Variants in NOTCH4 observed in about 807,000 individuals in gnomAD.
NOTCH4 encodes the protein notch receptor 4.
In NOTCH4, 138 loss-of-function variants were observed where a neutral mutation model predicts 189.0. The ratio of observed to expected loss-of-function variants is 0.73; its 90% CI spans 0.64 to 0.84. NOTCH4 has a LOEUF of 0.84. NOTCH4 is among the 40% of genes least tolerant of loss of function. The pLI is 0.00. For synonymous variants in NOTCH4, 942 were observed against 1,032.8 expected (o/e 0.91, Z 1.69); for missense variants, 2,286 against 2,605.4 (o/e 0.88, Z 2.67).
rs1789189119 is a variant in NOTCH4 at position 32,213,806 on chromosome 6, G to A, written c.2202C>T (p.His734=). 1.2e-6 allele frequency: 2 copies of A among 1,611,926 alleles called. No homozygotes were observed. Among genetic ancestry groups the A allele is most frequent in the African/African-American group, 2.7e-5 (2 of 74,854 alleles). The change falls in exon 14 of 30, where the codon CAC becomes CAT. Residue 734 remains histidine (H), a synonymous_variant. Transcript: ENST00000375023. ...PTCSEEMTAC[H]SGPCLNGGSC... Reference sequence around the variant, plus strand: ...AGCCGCCATTGAGACATGGCCCTGAGTGACAAGCTGTCATCTCCTCACTAC... The same window carrying A: ...AGCCGCCATTGAGACATGGCCCTGAATGACAAGCTGTCATCTCCTCACTAC...
rs752664803 is a variant in NOTCH4, at chr6:32,196,874, C to A, written c.5200+51G>T. The stretch of plus-strand genomic sequence containing the variant: ...CCTATATTTTGCACGCTATCTCCCA[C>A]CCCATCTGCTCAACTTCTCTATAGC... On this transcript the variant is annotated intron_variant, in intron 28 of 29. Coordinates refer to ENST00000375023, the MANE Select transcript of NOTCH4 (RefSeq NM_004557.4). The A allele has an allele frequency of 6.2e-6, 10 of 1,601,988 alleles. No individual in the cohort carries two copies. In the Admixed American group the frequency reaches 1.7e-4, roughly 27 times the overall value.
Position 32,197,493 on chromosome 6 carries a change from G to T in NOTCH4, c.4858C>A (p.Leu1620Met). The change falls in exon 27 of 30, where the codon CTG becomes ATG. Residue 1620 changes from leucine (L) to methionine (M), a missense_variant. Leu to Met is a conservative substitution (Grantham distance 15). Transcript: ENST00000375023. ...GCCTGGGGACAGGCCCCTCCATCCA[G>T]CAGAGGTTCCCAGGGCTCAGGACAT... ...LGCPEPWEPL[L>M]DGGACPQAHT... 1 of 1,605,184 alleles carries T rather than the reference G, an allele frequency of 6.2e-7. No homozygotes were observed. Among genetic ancestry groups the T allele is most frequent in the Middle Eastern group, 1.7e-4 (1 of 6,010 alleles).
Position 32,199,887 on chromosome 6 carries a change from AAC to A in NOTCH4, c.4316-744_4316-743del, listed in dbSNP as rs890247707. Among the ~76,000 whole-genome samples, 1 of 151,636 alleles carries A rather than the reference AAC, an allele frequency of 6.6e-6. No individual in the cohort carries two copies. The highest frequency in any genetic ancestry group is 1.5e-5 in the Non-Finnish European group (1 of 67,968). ...CAGAGTAAGACTGTCTCAGAAAACA[AAC>A]ACACAAAAAAAGGCTGAGTATCCAT... On this transcript the variant is annotated intron_variant, in intron 23 of 29. Transcript: ENST00000375023. The surrounding 1 kb of genome is among the most constrained non-coding windows in gnomAD (Gnocchi z 4.9).
In NOTCH4 at chr6:32,214,055, C is replaced by T. The variant is rs112525151; in HGVS notation, c.2167+55G>A. 23 of 1,568,920 alleles carry T rather than the reference C, an allele frequency of 1.5e-5. 1 individual carries two copies. The highest frequency in any genetic ancestry group is 9.0e-5 in the East Asian group (4 of 44,266). On this transcript the variant is annotated intron_variant, in intron 13 of 29. Coordinates refer to ENST00000375023, the MANE Select transcript of NOTCH4 (RefSeq NM_004557.4). ...CAGGGCCCGTGGTCGCCTGCCTTACCCTTGACATAGGGGGTGACCAGCACA... is the reference window on the plus strand; with the variant it reads ...CAGGGCCCGTGGTCGCCTGCCTTACTCTTGACATAGGGGGTGACCAGCACA...
At chr6:32,205,765 C>T (rs1206206509) in intron 18 of NOTCH4, among the ~76,000 whole-genome samples, 6 of 151,960 alleles carry the variant, frequency 3.9e-5, no homozygotes, top group African/African-American at 1.4e-4. Context: ...CGGTGGCTCA[C>T]GCCTGTAATC....
chr6:32,195,842 G>A lies in NOTCH4; in HGVS notation c.5607C>T (p.Gly1869=), dbSNP rs1368901531. 6.3e-7 allele frequency: 1 copy of A among 1,597,328 alleles called. No homozygotes were observed. The highest frequency in any genetic ancestry group is 1.3e-5 in the African/African-American group (1 of 74,978). The change falls in exon 30 of 30, where the codon GGC becomes GGT. Residue 1869 remains glycine, a synonymous_variant. Coordinates refer to ENST00000375023, the MANE Select transcript of NOTCH4 (RefSeq NM_004557.4). This position sits in a 1 kb window ranked among gnomAD's most constrained non-coding sequence, Gnocchi z 5.4. ...PRCRTLSAGA[G]PRGGGACLQA... Reference sequence around the variant, plus strand: ...GCAGACAAGCTCCGCCCCCACGAGGGCCTGCTCCGGCTGACAGCGTCCGGC... The same window carrying A: ...GCAGACAAGCTCCGCCCCCACGAGGACCTGCTCCGGCTGACAGCGTCCGGC...
In NOTCH4 at chr6:32,196,334, T is replaced by A; in HGVS notation, c.5288A>T (p.Gln1763Leu). 6.2e-7 allele frequency: 1 copy of A among 1,613,162 alleles called. No individual in the cohort carries two copies. The highest frequency in any genetic ancestry group is 8.5e-7 in the Non-Finnish European group (1 of 1,180,044). ...TCTGTCCCATCTAACCCTGTTGTCC[T>A]GGGCATCTTTATCGGCTCCGGCCTG... ...LLQAGADKDA[Q>L]DNREQTPLFL... Residue 1763 changes from glutamine (Q) to leucine (L), a missense_variant, in exon 29 of 30, where the codon CAG becomes CTG. Coordinates refer to ENST00000375023, the MANE Select transcript of NOTCH4 (RefSeq NM_004557.4).
At position 32,201,745 on chromosome 6, in the gene NOTCH4, A is replaced by G. The variant is rs1008906862; in HGVS notation, c.3756-245T>C. ...CCAAGCTCTCCTCTGTTTCTAAAGGAGAGTCCCAGGCCCTTTTCCCTCTGT... is the reference window on the plus strand; with the variant it reads ...CCAAGCTCTCCTCTGTTTCTAAAGGGGAGTCCCAGGCCCTTTTCCCTCTGT... On this transcript the variant is annotated intron_variant, in intron 21 of 29. Coordinates refer to ENST00000375023, the MANE Select transcript of NOTCH4 (RefSeq NM_004557.4). This position sits in a 1 kb window ranked among gnomAD's most constrained non-coding sequence, Gnocchi z 5.5. 2.4e-5 allele frequency: 10 copies of G among 417,572 alleles called. No homozygotes were observed. Among genetic ancestry groups the G allele is most frequent in the African/African-American group, 2.0e-4 (10 of 48,932 alleles). 25.9% of individuals were successfully genotyped at this position (417,572 alleles called of 1,614,324 possible). A position where few individuals can be genotyped will look rare whatever the true frequency, so the allele number is the denominator to read the frequency against.
At chr6:32,209,896 A>G (rs1002584715) in intron 18 of NOTCH4, among the ~76,000 whole-genome samples, 21 of 99,768 alleles carry the variant, frequency 2.1e-4, no homozygotes, top group African/African-American at 3.6e-4. Context: ...ACGAGAGAGA[A>G]AAAAAAAAAG....
chr6:32,212,146 T>A lies in NOTCH4; in HGVS notation c.2680+328A>T, dbSNP rs1265764359. The stretch of plus-strand genomic sequence containing the variant: ...TTGAGTGTAGCTGGATTAAGTGTGG[T>A]CCACTCTGCCTGGGTTATGATGATC... On this transcript the variant is annotated intron_variant, in intron 17 of 29. Transcript: ENST00000375023. This position sits in a 1 kb window ranked among gnomAD's most constrained non-coding sequence, Gnocchi z 4.4. 6.6e-6 allele frequency among the ~76,000 whole-genome samples: 1 copy of A among 152,120 alleles called. No homozygotes were observed. Among genetic ancestry groups the A allele is most frequent in the Non-Finnish European group, 1.5e-5 (1 of 68,028 alleles).
In NOTCH4 at chr6:32,195,577, C is replaced by T. The variant is rs1561907131; in HGVS notation, c.5872G>A (p.Ala1958Thr). The T allele has an allele frequency of 6.2e-7, 1 of 1,613,132 alleles. No individual in the cohort carries two copies. Among genetic ancestry groups the T allele is most frequent in the Non-Finnish European group, 8.5e-7 (1 of 1,180,034 alleles). Residue 1958 changes from alanine (A) to threonine (T), a missense_variant, in exon 30 of 30, where the codon GCT becomes ACT. By Grantham distance (58) the Ala-to-Thr change is moderately conservative. Coordinates refer to ENST00000375023, the MANE Select transcript of NOTCH4 (RefSeq NM_004557.4). This position sits in a 1 kb window ranked among gnomAD's most constrained non-coding sequence, Gnocchi z 5.4. The part of the protein sequence containing the change: ...DWPCDWVALG[A>T]CGSASNIPIP... ...GGAATGTTGGAGGCAGAACCGCAAG[C>T]TCCCAGGGCCACCCAATCACAGGGC...
rs538876916 is a variant in NOTCH4, at chr6:32,205,638, A to T, written c.2866-1249T>A. On this transcript the variant is annotated intron_variant, in intron 18 of 29. Coordinates refer to ENST00000375023, the MANE Select transcript of NOTCH4 (RefSeq NM_004557.4). Reference sequence around the variant, plus strand: ...ACTGATCAGTATACTGCTTTTGTTTATGTTTGAAAATGTTCATAATAAAAG... The same window carrying T: ...ACTGATCAGTATACTGCTTTTGTTTTTGTTTGAAAATGTTCATAATAAAAG... 4.1e-4 allele frequency among the ~76,000 whole-genome samples: 61 copies of T among 148,842 alleles called. 1 individual carries two copies. The highest frequency in any genetic ancestry group is 1.2e-3 in the African/African-American group (47 of 40,652).
intron 18 of NOTCH4, among the ~76,000 whole-genome samples, chr6:32,209,408 T>C (rs1788878625): frequency 6.6e-6 from 1 of 152,146 alleles, no homozygotes; most frequent in Admixed American, 6.5e-5. Flanking sequence ...ATTATGGTCA[T>C]ATAGAAGGAA....
chr6:32,211,611 AAATAAAT>A (rs1197059987), intron 17 of NOTCH4, among the ~76,000 whole-genome samples: 1 of 134,344 alleles, frequency 7.4e-6, no homozygotes, highest in Non-Finnish European at 1.6e-5. Context: ...ATAAATAAAT[AAATAAAT>A]AAATAAATAA....
rs1413937859 is a variant in NOTCH4, at chr6:32,195,420, C to G, written c.*17G>C. ...ATGGGTAATCATTTTTGGAATTCCTCCCTACCATGTATTCTTCTATTTTTT... is the reference window on the plus strand; with the variant it reads ...ATGGGTAATCATTTTTGGAATTCCTGCCTACCATGTATTCTTCTATTTTTT... On this transcript the variant is annotated 3_prime_UTR_variant, in exon 30 of 30. Coordinates refer to ENST00000375023, the MANE Select transcript of NOTCH4 (RefSeq NM_004557.4). This position sits in a 1 kb window ranked among gnomAD's most constrained non-coding sequence, Gnocchi z 5.4. 1 of 1,548,700 alleles carries G rather than the reference C, an allele frequency of 6.5e-7. No homozygotes were observed. Among genetic ancestry groups the G allele is most frequent in the African/African-American group, 1.4e-5 (1 of 72,894 alleles).
chr6:32,199,217 A>T lies in NOTCH4; in HGVS notation c.4316-72T>A. 8.3e-7 allele frequency: 1 copy of T among 1,200,618 alleles called. No individual in the cohort carries two copies. Among genetic ancestry groups the T allele is most frequent in the Non-Finnish European group, 1.1e-6 (1 of 872,702 alleles). The allele number at this position is 1,200,618 out of a possible 1,614,324, so 74.4% of individuals were successfully genotyped here. A position where few individuals can be genotyped will look rare whatever the true frequency, so the allele number is the denominator to read the frequency against. On this transcript the variant is annotated intron_variant, in intron 23 of 29. Transcript: ENST00000375023. The surrounding 1 kb of genome is among the most constrained non-coding windows in gnomAD (Gnocchi z 4.9). ...CTGATTACTATTGGGAGACCTTTGG[A>T]CAAGTTTAGTAGCCGGTCTTTGCCT... is the stretch of plus-strand genomic sequence containing the variant.
Position 32,220,409 on chromosome 6 carries a change from G to T in NOTCH4, c.1155C>A (p.Arg385=), listed in dbSNP as rs753610356. Residue 385 remains arginine, a synonymous_variant, in exon 6 of 30, where the codon CGC becomes CGA. Transcript: ENST00000375023. ...GSFSCLCPPG[R]TGLLCHLEDM... is the part of the protein sequence containing the mutation. ...TGATACCCTCTACCCCCATACCTGT[G>T]CGTCCAGGTGGGCAGAGGCAGGAGA... is the stretch of plus-strand genomic sequence containing the variant. 17 of 1,613,650 alleles carry T rather than the reference G, an allele frequency of 1.1e-5. No homozygotes were observed. The African/African-American group carries it at 1.9e-4, about 18-fold the overall frequency.
At position 32,215,395 on chromosome 6, in the gene NOTCH4, G is replaced by A. The variant is rs1789338406; in HGVS notation, c.1862-10C>T. On this transcript the variant is annotated splice_polypyrimidine_tract_variant and intron_variant, in intron 11 of 29. Coordinates refer to ENST00000375023, the MANE Select transcript of NOTCH4 (RefSeq NM_004557.4). ...ACCTCACAGAGCTGGCCTGGGGTGG[G>A]AAGATGGGTCAAAAAGAAAACAGCT... The A allele has an allele frequency of 1.3e-6, 2 of 1,598,144 alleles. No individual in the cohort carries two copies. The highest frequency in any genetic ancestry group is 8.5e-7 in the Non-Finnish European group (1 of 1,174,580).
At chr6:32,214,403 C>T in intron 12 of NOTCH4, 148 bp from the exon 13 acceptor site, 1 of 730,220 alleles carries the variant, frequency 1.4e-6, no homozygotes, top group Non-Finnish European at 2.3e-6. Context: ...GCACCGCCCC[C>T]ATCCTCCCCA....
Sources: allele counts gnomAD v4.1 joint callset (sites outside exome capture counted in the v4.1 genomes callset), GRCh38; gene constraint gnomAD v4.1.1; non-coding constraint Gnocchi (gnomAD v3.1); transcripts MANE v1.5; gene names NCBI Gene and HGNC (gene_info 2026-07-23, HGNC 2026-07-21).